SMAP2: variants seen among roughly 807,000 people sequenced by gnomAD.
SMAP2 encodes stromal membrane-associated protein 2.
SMAP2 carries 25 observed loss-of-function variants against 56.4 expected under a neutral mutation model. The observed-to-expected ratio is 0.44, with a 90% CI of 0.32 to 0.62. The LOEUF (loss-of-function observed/expected upper bound fraction) is 0.62. SMAP2 is among the 20% of genes least tolerant of loss of function. The probability of loss-of-function intolerance (pLI) is 0.04; values close to 1 mark genes in which losing one functional copy is unlikely to be tolerated. For missense variants in SMAP2, 388 were observed against 545.6 expected, an observed-to-expected ratio of 0.71 and a Z score of 2.88; for synonymous variants, 157 against 181.7, an observed-to-expected ratio of 0.86 and a Z score of 1.09.
At chr1:40,393,104 A>AC (rs1218600106) in intron 1 of SMAP2, among the ~76,000 whole-genome samples, 1 of 150,964 alleles carries the variant, frequency 6.6e-6, no homozygotes, top group Non-Finnish European at 1.5e-5. Flanking sequence ...TCCATCTCAA[A>AC]AAAAAAAAAA....
intron 8 of SMAP2, 110 bp from the exon 9 acceptor site, chr1:40,416,670 A>G (rs1280384508): frequency 1.8e-6 from 2 of 1,113,896 alleles, no homozygotes; most frequent in South Asian, 1.6e-5. Context: ...GAGCATTGTG[A>G]GTAGAGTAAT....
chr1:40,414,294 A>C, intron 6 of SMAP2, 54 bp downstream of exon 6: 37 of 1,539,926 alleles, frequency 2.4e-5, no homozygotes, highest in Non-Finnish European at 3.1e-5. Flanking sequence ...ATAAATTCTC[A>C]GTGACCCTGG....
rs370811801 is a variant in SMAP2, at chr1:40,374,624, TGAGAGA to T, written c.103+414_103+419del. On this transcript the variant is annotated intron_variant, in intron 1 of 9. Coordinates refer to ENST00000372718, the MANE Select transcript of SMAP2 (RefSeq NM_022733.3). The surrounding 1 kb of genome is among the most constrained non-coding windows in gnomAD (Gnocchi z 5.9). ...GTGTGTGTGTGTGTGTGTGTGTGTGTGAGAGAGAGAGAGAGAGAATGACGAGGAGGA... is the reference window on the plus strand; with the variant it reads ...GTGTGTGTGTGTGTGTGTGTGTGTGTGAGAGAGAGAGAATGACGAGGAGGA... 9 of 834,370 alleles carry T rather than the reference TGAGAGA, an allele frequency of 1.1e-5. No homozygotes were observed. The highest frequency in any genetic ancestry group is 1.7e-5 in the Non-Finnish European group (9 of 530,816). 51.7% of individuals were successfully genotyped at this position (834,370 alleles called of 1,614,324 possible).
At chr1:40,417,632 C>G (rs1037226140) in intron 9 of SMAP2, among the ~76,000 whole-genome samples, 1 of 152,038 alleles carries the variant, frequency 6.6e-6, no homozygotes, top group African/African-American at 2.4e-5. Flanking sequence ...GATTAGAACT[C>G]TGTTTACTTG....
chr1:40,355,295 AG>A (rs1644430506), intron 1 of SMAP2, among the ~76,000 whole-genome samples: 1 of 152,116 alleles, frequency 6.6e-6, no homozygotes, highest in South Asian at 2.1e-4. Context: ...GATAATGATG[AG>A]TATCAGTGCC....
chr1:40,387,993 T>C (rs1045251413), intron 1 of SMAP2, among the ~76,000 whole-genome samples: 1 of 152,100 alleles, frequency 6.6e-6, no homozygotes, highest in Non-Finnish European at 1.5e-5. Flanking sequence ...GCTTAGCACC[T>C]GGGCCAGCGG....
intron 1 of SMAP2, among the ~76,000 whole-genome samples, chr1:40,388,479 T>C (rs1644683604): frequency 6.6e-6 from 1 of 152,090 alleles, no homozygotes; most frequent in Non-Finnish European, 1.5e-5. Context: ...ATCTAGCTAC[T>C]CTGGTGGGGA....
intron 1 of SMAP2, among the ~76,000 whole-genome samples, chr1:40,348,711 A>G (rs1404324228): frequency 6.6e-6 from 1 of 152,080 alleles, no homozygotes; most frequent in Non-Finnish European, 1.5e-5. Context: ...TTATGAAAAA[A>G]TTTGCTCTCA....
chr1:40,349,210 G>A (rs1354007023), intron 1 of SMAP2, among the ~76,000 whole-genome samples: 1 of 152,174 alleles, frequency 6.6e-6, no homozygotes, highest in Non-Finnish European at 1.5e-5. Flanking sequence ...GGTTGCTGAT[G>A]TTGTGAAGTT....
intron 1 of SMAP2, among the ~76,000 whole-genome samples, chr1:40,395,743 G>A (rs1190942480): frequency 6.6e-6 from 1 of 152,108 alleles, no homozygotes; most frequent in Non-Finnish European, 1.5e-5. Context: ...GATAAGAAGG[G>A]CCAGTTAAAT....
Position 40,409,806 on chromosome 1 carries a change from G to A in SMAP2, c.373G>A (p.Asp125Asn). ...RDKYEKKKYM[D>N]RSLDINAFRK... ...CAAATATGAGAAGAAGAAATACATG[G>A]ACCGAAGTCTGGACATCAATGCCTT... The change falls in exon 4 of 10, where the codon GAC (aspartate) becomes AAC (asparagine). Residue 125 changes from aspartate (D) to asparagine (N), a missense_variant. Asp to Asn is a conservative substitution (Grantham distance 23). Transcript: ENST00000372718. 2 of 1,613,368 alleles carry A rather than the reference G, an allele frequency of 1.2e-6. No homozygotes were observed. Among genetic ancestry groups the A allele is most frequent in the Non-Finnish European group, 1.7e-6 (2 of 1,179,310 alleles).
rs111424642 is a variant in SMAP2, at chr1:40,417,572, A to G, written c.1164+476A>G. ...GATAAAGTAACCCCCCAGAAGGAGAAGGACCTACCCTCATCAAAGACATAC... is the reference window on the plus strand; with the variant it reads ...GATAAAGTAACCCCCCAGAAGGAGAGGGACCTACCCTCATCAAAGACATAC... On this transcript the variant is annotated intron_variant, in intron 9 of 9. Transcript: ENST00000372718. Among the ~76,000 whole-genome samples the G allele has an allele frequency of 3.5e-3, 538 of 152,296 alleles. 6 individuals are homozygous for G. Among genetic ancestry groups the G allele is most frequent in the African/African-American group, 0.012 (489 of 41,558 alleles).
At chr1:40,357,418 G>T (rs147405547) in intron 1 of SMAP2, among the ~76,000 whole-genome samples, 4 of 151,514 alleles carry the variant, frequency 2.6e-5, no homozygotes, top group African/African-American at 4.8e-5. Context: ...TCACACCACT[G>T]CACTCCAGCC....
At position 40,413,219 on chromosome 1, in the gene SMAP2, G is replaced by C; in HGVS notation, c.489+117G>C. On this transcript the variant is annotated intron_variant, in intron 5 of 9. Coordinates refer to ENST00000372718, the MANE Select transcript of SMAP2 (RefSeq NM_022733.3). ...TGCACCATCACAGCTGGGGCTAAAGGGTTCTGCATCTGGATTGGACTGCCT... is the reference window on the plus strand; with the variant it reads ...TGCACCATCACAGCTGGGGCTAAAGCGTTCTGCATCTGGATTGGACTGCCT... 3 of 775,020 alleles carry C rather than the reference G, an allele frequency of 3.9e-6. No individual in the cohort carries two copies. In the South Asian group the frequency reaches 4.4e-5, roughly 11 times the overall value. The allele number at this position is 775,020 out of a possible 1,614,324, so 48.0% of individuals were successfully genotyped here.
At chr1:40,381,682 T>C (rs2124230725) in intron 1 of SMAP2, among the ~76,000 whole-genome samples, 1 of 152,302 alleles carries the variant, frequency 6.6e-6, no homozygotes, top group East Asian at 1.9e-4. Flanking sequence ...CTTCGTGGCA[T>C]TGAGATTTTG....
intron 1 of SMAP2, among the ~76,000 whole-genome samples, chr1:40,389,496 C>G (rs1326992050): frequency 6.6e-6 from 1 of 152,202 alleles, no homozygotes; most frequent in South Asian, 2.1e-4. Flanking sequence ...CTTCCTCATA[C>G]TGTTAGCCCA....
chr1:40,395,149 G>A lies in SMAP2; in HGVS notation c.104-11587G>A, dbSNP rs1557435797. 2.6e-5 allele frequency among the ~76,000 whole-genome samples: 4 copies of A among 152,138 alleles called. No individual in the cohort carries two copies. The South Asian group carries it at 8.3e-4, about 31-fold the overall frequency. Reference sequence around the variant, plus strand: ...GTCCAGTGACATAGCTTTGAATGGGGTGATGACATTATCAGGACATATGTT... The same window carrying A: ...GTCCAGTGACATAGCTTTGAATGGGATGATGACATTATCAGGACATATGTT... On this transcript the variant is annotated intron_variant, in intron 1 of 9. Transcript: ENST00000372718.
chr1:40,394,837 G>C (rs1644754011), intron 1 of SMAP2, among the ~76,000 whole-genome samples: 1 of 152,156 alleles, frequency 6.6e-6, no homozygotes, highest in South Asian at 2.1e-4. Flanking sequence ...GCAGTCAGGA[G>C]GTCCTCTAGT....
intron 5 of SMAP2, among the ~76,000 whole-genome samples, chr1:40,413,658 G>T (rs1057407246): frequency 6.6e-6 from 1 of 152,190 alleles, no homozygotes; most frequent in Non-Finnish European, 1.5e-5. Flanking sequence ...GCTTAAGGAA[G>T]AGTCTTTTAT....
Sources: allele counts gnomAD v4.1 joint callset (sites outside exome capture counted in the v4.1 genomes callset), GRCh38; gene constraint gnomAD v4.1.1; non-coding constraint Gnocchi (gnomAD v3.1); transcripts MANE v1.5; gene names NCBI Gene and HGNC (gene_info 2026-07-23, HGNC 2026-07-21).